The following RHEBL1 variants were observed in gnomAD, a reference collection of about 807,000 sequenced individuals.
RHEBL1 encodes GTPase RhebL1.
RHEBL1 carries 22 observed loss-of-function variants against 27.4 expected under a neutral mutation model. That is an observed-to-expected ratio of 0.80 (90% CI 0.57 to 1.15). The LOEUF is 1.15. RHEBL1 is among the 50% of genes most tolerant of loss of function. The pLI is 0.00. For synonymous variants in RHEBL1, 85 were observed against 80.8 expected (o/e 1.05, Z -0.28); for missense variants, 186 against 226.5 (o/e 0.82, Z 1.15).
At position 49,066,955 on chromosome 12, in the gene RHEBL1, C is replaced by T. The variant is rs1205814239; in HGVS notation, c.192+13G>A. 6.2e-7 allele frequency: 1 copy of T among 1,608,230 alleles called. No homozygotes were observed. The highest frequency in any genetic ancestry group is 1.1e-5 in the South Asian group (1 of 90,964). On this transcript the variant is annotated intron_variant, in intron 3 of 7. Coordinates refer to ENST00000301068, the MANE Select transcript of RHEBL1 (RefSeq NM_144593.3). Reference sequence around the variant, plus strand: ...TGAACTGCCACATTTGGATACCATACCCCAACTGGTACCTGCCCTGCTGTG... The same window carrying T: ...TGAACTGCCACATTTGGATACCATATCCCAACTGGTACCTGCCCTGCTGTG...
intron 7 of RHEBL1, 31 bp downstream of exon 7, chr12:49,065,319 T>C: frequency 6.2e-7 from 1 of 1,602,336 alleles, no homozygotes; most frequent in Non-Finnish European, 8.6e-7. Flanking sequence ...ACAGCTACCA[T>C]CACCACCCTT....
At position 49,069,058 on chromosome 12, in the gene RHEBL1, C is replaced by A. The variant is rs760360076; in HGVS notation, c.101G>T (p.Gly34Val). ...ACTATTCTCCACTGTAGGATCGTAG[C>A]CTTCCGAGAACTCGCCTTCCACAAA... Reference protein sequence around the residue: ...HQFVEGEFSEGYDPTVENTYS... With the variant: ...HQFVEGEFSEVYDPTVENTYS... The change falls in exon 2 of 8, where the codon GGC becomes GTC. Residue 34 changes from glycine to valine, a missense_variant. Physicochemically the swap from Gly to Val is moderately radical, Grantham distance 109. Coordinates refer to ENST00000301068, the MANE Select transcript of RHEBL1 (RefSeq NM_144593.3). 10 of 1,614,108 alleles carry A rather than the reference C, an allele frequency of 6.2e-6. No individual in the cohort carries two copies. The South Asian group carries it at 1.1e-4, about 18-fold the overall frequency.
intron 7 of RHEBL1, 52 bp downstream of exon 7, chr12:49,065,298 A>G (rs1938977683): frequency 6.3e-7 from 1 of 1,578,346 alleles, no homozygotes; most frequent in South Asian, 1.1e-5. Context: ...AAGCAGTACA[A>G]TAAGGAAAAC....
chr12:49,067,398 G>A (rs1592177494), intron 2 of RHEBL1, among the ~76,000 whole-genome samples: 1 of 151,668 alleles, frequency 6.6e-6, no homozygotes, highest in East Asian at 1.9e-4. Context: ...TGTCACCTCA[G>A]CCTCCCAAGT....
Position 49,066,985 on chromosome 12 carries a change from C to G in RHEBL1, c.175G>C (p.Val59Leu). The G allele has an allele frequency of 6.2e-7, 1 of 1,613,824 alleles. No individual in the cohort carries two copies. Among genetic ancestry groups the G allele is most frequent in the Non-Finnish European group, 8.5e-7 (1 of 1,179,702 alleles). ...LGKDEFHLHL[V>L]DTAGQDEYSI... is the part of the protein sequence containing the mutation. ...ACTGGTACCTGCCCTGCTGTGTCCA[C>G]CAGATGTAGGTGAAACTCATCTTTG... is the stretch of plus-strand genomic sequence containing the variant. The change falls in exon 3 of 8, where the codon GTG becomes CTG. Residue 59 changes from valine to leucine, a missense_variant. Val to Leu is a conservative substitution (Grantham distance 32, BLOSUM62 1). Transcript: ENST00000301068.
chr12:49,069,483 C>A (rs974346288), intron 1 of RHEBL1, among the ~76,000 whole-genome samples: 2 of 130,624 alleles, frequency 1.5e-5, no homozygotes, highest in Admixed American at 1.5e-4. Flanking sequence ...CCCAAAGTAA[C>A]GCTGGGACCA....
chr12:49,065,474 C>A, intron 6 of RHEBL1, 43 bp from the exon 7 acceptor site: 2 of 1,503,342 alleles, frequency 1.3e-6, no homozygotes, highest in South Asian at 2.3e-5. Context: ...ATAGAAATGT[C>A]AGTAAGTGCT....
intron 6 of RHEBL1, 58 bp from the exon 7 acceptor site, chr12:49,065,489 A>G (rs1036372497): frequency 2.2e-4 from 312 of 1,426,866 alleles, no homozygotes; most frequent in Non-Finnish European, 2.9e-4. Context: ...AGTGCTCTGA[A>G]AAATCTTCAG....
Position 49,069,827 on chromosome 12 carries a change from G to A in RHEBL1, c.-42C>T, listed in dbSNP as rs1269212115. The A allele has an allele frequency of 1.9e-6, 3 of 1,585,982 alleles. No homozygotes were observed. Among genetic ancestry groups the A allele is most frequent in the Middle Eastern group, 1.7e-4 (1 of 6,004 alleles). ...AGGGGCTTGCGGAACTGCGGGCTCA[G>A]AGAGCCCGAAAACGAGGTCAGGGTG... On this transcript the variant is annotated 5_prime_UTR_variant, in exon 1 of 8. Transcript: ENST00000301068.
At position 49,065,122 on chromosome 12, in the gene RHEBL1, C is replaced by T. The variant is rs775240180; in HGVS notation, c.533G>A (p.Arg178His). The T allele has an allele frequency of 9.3e-6, 15 of 1,613,528 alleles. No individual in the cohort carries two copies. The highest frequency in any genetic ancestry group is 2.7e-5 in the African/African-American group (2 of 74,928). Residue 178 changes from arginine (R) to histidine (H), a missense_variant, in exon 8 of 8, where the codon CGT becomes CAT. Arg to His is a conservative substitution (Grantham distance 29, BLOSUM62 0). Coordinates refer to ENST00000301068, the MANE Select transcript of RHEBL1 (RefSeq NM_144593.3). ...AAGGGCTCACATGAGATGGCAGCGA[C>T]GCTCTTGCCCATAGGAATTCTCCAC... ...ARVENSYGQE[R>H]RCHLM
At chr12:49,068,661 C>T (rs990684040) in intron 2 of RHEBL1, among the ~76,000 whole-genome samples, 13 of 152,062 alleles carry the variant, frequency 8.5e-5, no homozygotes, top group Non-Finnish European at 1.6e-4. Context: ...GTCTCGAAAT[C>T]CAGACCTCAA....
At position 49,069,787 on chromosome 12, in the gene RHEBL1, G is replaced by A; in HGVS notation, c.-2C>T. 1 of 1,613,294 alleles carries A rather than the reference G, an allele frequency of 6.2e-7. No homozygotes were observed. Among genetic ancestry groups the A allele is most frequent in the South Asian group, 1.1e-5 (1 of 91,056 alleles). On this transcript the variant is annotated 5_prime_UTR_variant, in exon 1 of 8. Transcript: ENST00000301068. ...CTTCCTGTAGCGGACTAGCGGCATG[G>A]CAGGAGCCCGCCCCAGGGGCTTGCG...
Position 49,069,972 on chromosome 12 carries a change from C to CG in RHEBL1, c.-188dup. The CG allele has an allele frequency of 1.7e-6, 1 of 603,162 alleles. No homozygotes were observed. The highest frequency in any genetic ancestry group is 2.9e-6 in the Non-Finnish European group (1 of 339,078). 37.4% of individuals were successfully genotyped at this position (603,162 alleles called of 1,614,324 possible). A position where few individuals can be genotyped will look rare whatever the true frequency, so the allele number is the denominator to read the frequency against. On this transcript the variant is annotated 5_prime_UTR_variant, in exon 1 of 8. Transcript: ENST00000301068. ...CTGCCCACGTGATCACAACACAGCA[C>CG]GTCTAACGCCAGGGAGCCGGGCGCC...
chr12:49,065,697 G>A (rs780311675), intron 6 of RHEBL1, among the ~76,000 whole-genome samples: 27 of 152,154 alleles, frequency 1.8e-4, no homozygotes, highest in African/African-American at 6.0e-4. Context: ...AGGCCTAGGC[G>A]GGTGGATCAC....
rs1293322712 is a variant in RHEBL1 at position 49,065,444 on chromosome 12, T to C, written c.381-13A>G. 4.3e-6 allele frequency: 7 copies of C among 1,610,484 alleles called. No individual in the cohort carries two copies. The highest frequency in any genetic ancestry group is 1.7e-6 in the Non-Finnish European group (2 of 1,176,924). On this transcript the variant is annotated splice_polypyrimidine_tract_variant and intron_variant, in intron 6 of 7. Coordinates refer to ENST00000301068, the MANE Select transcript of RHEBL1 (RefSeq NM_144593.3). ...TGCCTGTACCTCTCTGGAAGCAAAT[T>C]TGGGACATAAAGATGGAGGATAGAA...
chr12:49,065,931 A>C (rs889778838), intron 6 of RHEBL1, among the ~76,000 whole-genome samples: 7 of 152,098 alleles, frequency 4.6e-5, no homozygotes, highest in African/African-American at 1.7e-4. Context: ...TCTAAAAAAA[A>C]AAAAAATAGA....
At chr12:49,068,793 C>T (rs1199617055) in intron 2 of RHEBL1, among the ~76,000 whole-genome samples, 3 of 152,174 alleles carry the variant, frequency 2.0e-5, no homozygotes, top group Non-Finnish European at 2.9e-5. Context: ...AGGGAGTTAT[C>T]CAGGTAACTG....
At chr12:49,068,254 C>T (rs892013258) in intron 2 of RHEBL1, among the ~76,000 whole-genome samples, 4 of 151,570 alleles carry the variant, frequency 2.6e-5, no homozygotes, top group Non-Finnish European at 5.9e-5. Context: ...CTCAGCCTCC[C>T]GAGTAGATGG....
intron 2 of RHEBL1, among the ~76,000 whole-genome samples, chr12:49,067,437 A>T (rs917337224): frequency 6.7e-6 from 1 of 148,684 alleles, no homozygotes; most frequent in South Asian, 2.1e-4. Flanking sequence ...GCACCTCTGC[A>T]CCTGGCTGTC....
Sources: allele counts gnomAD v4.1 joint callset (sites outside exome capture counted in the v4.1 genomes callset), GRCh38; gene constraint gnomAD v4.1.1; transcripts MANE v1.5; gene names NCBI Gene and HGNC (gene_info 2026-07-23, HGNC 2026-07-21).